Variants in NUMA1 observed in about 807,000 individuals in gnomAD.
NUMA1 encodes nuclear mitotic apparatus protein 1.
A neutral mutation model predicts 237.1 loss-of-function variants in NUMA1; 62 were observed. The observed-to-expected ratio is 0.26, with a 90% CI of 0.21 to 0.32. The LOEUF is 0.32. Ranked by LOEUF, NUMA1 falls within the 10% of genes least tolerant of loss-of-function variation. NUMA1 has a pLI of 1.00. For synonymous variants in NUMA1, 1,028 were observed against 1,066.1 expected, an observed-to-expected ratio of 0.96 and a Z score of 0.70; for missense variants, 2,533 against 2,666.5, an observed-to-expected ratio of 0.95 and a Z score of 1.10.
intron 2 of NUMA1, among the ~76,000 whole-genome samples, chr11:72,059,831 A>G (rs1266310920): frequency 1.3e-5 from 2 of 152,182 alleles, no homozygotes; most frequent in Non-Finnish European, 2.9e-5. Context: ...ATTACCATCT[A>G]AAACTGTGTA....
chr11:72,060,057 A>C (rs1942858263), intron 2 of NUMA1, among the ~76,000 whole-genome samples: 1 of 152,212 alleles, frequency 6.6e-6, no homozygotes, highest in African/African-American at 2.4e-5. Context: ...CAGAGATGCT[A>C]GAGTGACACA....
chr11:72,009,870 C>CA lies in NUMA1; in HGVS notation c.4720-484dup, dbSNP rs535388589. On this transcript the variant is annotated intron_variant, in intron 17 of 26. Transcript: ENST00000393695. ...GATTTAAGCAAATTGACCAGAGTAA[C>CA]AGTGACTAAATGGCAGAGTAAGATT... 9.5e-4 allele frequency among the ~76,000 whole-genome samples: 145 copies of CA among 152,336 alleles called. 1 individual carries two copies. Among genetic ancestry groups the CA allele is most frequent in the African/African-American group, 3.4e-3 (141 of 41,576 alleles).
rs760268027 is a variant in NUMA1 at position 72,015,981 on chromosome 11, TGAGCTCA to T, written c.1515_1521del (p.Glu506ProfsTer17). On this transcript the variant is annotated frameshift_variant, in exon 15 of 27. Coordinates refer to ENST00000393695, the MANE Select transcript of NUMA1 (RefSeq NM_006185.4). LOFTEE classifies it high-confidence loss of function. The surrounding 1 kb of genome is among the most constrained non-coding windows in gnomAD (Gnocchi z 4.0). ...TGCTGGATGGTGGCATTGAGTGTGG[TGAGCTCA>T]GAGGTCAGAGAGGCCACCTGGGCAG... 6.2e-7 allele frequency: 1 copy of T among 1,614,054 alleles called. No homozygotes were observed. Among genetic ancestry groups the T allele is most frequent in the East Asian group, 2.2e-5 (1 of 44,878 alleles).
At chr11:72,008,600 A>G (rs1378932158) in intron 20 of NUMA1, 88 bp downstream of exon 20, 1 of 1,388,414 alleles carries the variant, frequency 7.2e-7, no homozygotes, top group Non-Finnish European at 1.0e-6. Flanking sequence ...ATAAATTTAG[A>G]TCACATCTTA....
chr11:72,046,343 G>A (rs964555845), intron 2 of NUMA1, among the ~76,000 whole-genome samples: 2 of 151,922 alleles, frequency 1.3e-5, no homozygotes, highest in Admixed American at 1.3e-4. Flanking sequence ...TCAGGAGTTC[G>A]AGACCAGCCT....
chr11:72,032,551 A>T (rs1940476620), intron 3 of NUMA1, among the ~76,000 whole-genome samples: 4 of 152,256 alleles, frequency 2.6e-5, no homozygotes, highest in Admixed American at 6.5e-5. Context: ...TATACCAATT[A>T]AGTAATAATC....
intron 2 of NUMA1, chr11:72,049,360 G>T (rs1224020905): frequency 2.6e-5 from 4 of 151,226 alleles, no homozygotes; most frequent in Admixed American, 1.3e-4. Flanking sequence ...GTGGCTTAAT[G>T]CAAGTCACAG....
intron 4 of NUMA1, chr11:72,024,810 G>A (rs1169708324): frequency 1.2e-5 from 2 of 161,036 alleles, no homozygotes; most frequent in African/African-American, 4.8e-5. Context: ...ACAAGGCTCT[G>A]AAGTGACAGG....
rs1937667617 is a variant in NUMA1, at chr11:72,016,013, G to C, written c.1490C>G (p.Thr497Ser). ...QASQAHGARLTAQVASLTSEL... is the reference protein window; with the variant it reads ...QASQAHGARLSAQVASLTSEL... Reference sequence around the variant, plus strand: ...AGAGGTCAGAGAGGCCACCTGGGCAGTCAACCGGGCCCCATGAGCCTGGGA... The same window carrying C: ...AGAGGTCAGAGAGGCCACCTGGGCACTCAACCGGGCCCCATGAGCCTGGGA... Residue 497 changes from threonine (T) to serine (S), a missense_variant, in exon 15 of 27, where the codon ACT becomes AGT. Coordinates refer to ENST00000393695, the MANE Select transcript of NUMA1 (RefSeq NM_006185.4). 3.1e-6 allele frequency: 5 copies of C among 1,614,044 alleles called. No individual in the cohort carries two copies. Among genetic ancestry groups the C allele is most frequent in the Non-Finnish European group, 4.2e-6 (5 of 1,180,008 alleles).
rs17161802 is a variant in NUMA1 at position 72,015,739 on chromosome 11, A to G, written c.1764T>C (p.Ala588=). 13,587 of 1,614,154 alleles carry G rather than the reference A, an allele frequency of 8.4e-3. 1,531 individuals carry two copies. The Admixed American group carries it at 0.2, about 23-fold the overall frequency. The change falls in exon 15 of 27, where the codon GCT becomes GCC. Residue 588 remains alanine, a synonymous_variant. Transcript: ENST00000393695. The surrounding 1 kb of genome is among the most constrained non-coding windows in gnomAD (Gnocchi z 4.0). ...RQDHAQQLAT[A]AEEREASLRE... ...TTAAGGAGGCCTCTCGCTCCTCTGCAGCAGTGGCCAGTTGCTGGGCATGGT... is the reference window on the plus strand; with the variant it reads ...TTAAGGAGGCCTCTCGCTCCTCTGCGGCAGTGGCCAGTTGCTGGGCATGGT...
chr11:72,005,121 C>T, intron 23 of NUMA1, 112 bp downstream of exon 23: 1 of 1,242,266 alleles, frequency 8.0e-7, no homozygotes, highest in Non-Finnish European at 1.1e-6. Flanking sequence ...GTCACCCTCC[C>T]CCTCCTCGGC....
At chr11:72,080,101 C>T (rs1234536320) in intron 1 of NUMA1, among the ~76,000 whole-genome samples, 4 of 152,152 alleles carry the variant, frequency 2.6e-5, no homozygotes, top group African/African-American at 9.7e-5. Flanking sequence ...CTGACTACTG[C>T]ACTACCATAA....
Position 72,015,554 on chromosome 11 carries a change from C to T in NUMA1, c.1949G>A (p.Arg650Gln), listed in dbSNP as rs1351645930. 7 of 1,613,574 alleles carry T rather than the reference C, an allele frequency of 4.3e-6. No individual in the cohort carries two copies. Among genetic ancestry groups the T allele is most frequent in the Non-Finnish European group, 5.1e-6 (6 of 1,180,028 alleles). The change falls in exon 15 of 27, where the codon CGG becomes CAG. Residue 650 changes from arginine (R) to glutamine (Q), a missense_variant. Arg to Gln is a conservative substitution (Grantham distance 43, BLOSUM62 1). Coordinates refer to ENST00000393695, the MANE Select transcript of NUMA1 (RefSeq NM_006185.4). The surrounding 1 kb of genome is among the most constrained non-coding windows in gnomAD (Gnocchi z 4.0). ...QAQREKAELS[R>Q]KVEELQACVE... ...ACAGGCCTGGAGTTCCTCCACCTTCCGGCTCAGCTCTGCCTTCTCCCGCTG... is the reference window on the plus strand; with the variant it reads ...ACAGGCCTGGAGTTCCTCCACCTTCTGGCTCAGCTCTGCCTTCTCCCGCTG...
chr11:72,047,482 G>A (rs975359663), intron 2 of NUMA1, among the ~76,000 whole-genome samples: 5 of 49,524 alleles, frequency 1.0e-4, no homozygotes, highest in South Asian at 6.2e-4. Context: ...AGCAAGACAC[G>A]TCTCAAAAAA....
At chr11:72,065,500 G>A (rs970171718) in intron 2 of NUMA1, 1 of 152,116 alleles carries the variant, frequency 6.6e-6, no homozygotes, top group Admixed American at 6.6e-5. Context: ...ATATGATCTG[G>A]AAATTGCAAA....
rs1286091958 is a variant in NUMA1 at position 72,004,012 on chromosome 11, T to C, written c.6211A>G (p.Lys2071Glu). ...NSLLRRGASKKALSKASPNTR... is the reference protein window; with the variant it reads ...NSLLRRGASKEALSKASPNTR... ...TTGGGGGAAGCCTTGGACAGGGCCT[T>C]CTTTGAGGCTCCCCGCCGCAGAAGG... The change falls in exon 26 of 27, where the codon AAG becomes GAG. Residue 2071 changes from lysine (K) to glutamate (E), a missense_variant. By Grantham distance (56) the Lys-to-Glu change is moderately conservative. Coordinates refer to ENST00000393695, the MANE Select transcript of NUMA1 (RefSeq NM_006185.4). The C allele has an allele frequency of 1.2e-6, 2 of 1,613,398 alleles. No homozygotes were observed. The highest frequency in any genetic ancestry group is 1.7e-6 in the Non-Finnish European group (2 of 1,179,678).
Position 72,013,261 on chromosome 11 carries a change from C to G in NUMA1, c.4242G>C (p.Gln1414His), listed in dbSNP as rs1374716795. ...RELGELIPLR[Q>H]KVAEQERTAQ... ...CTGTTCGCTCCTGCTCTGCCACCTTCTGCCGCAGAGGAATCAGCTCCCCAA... is the reference window on the plus strand; with the variant it reads ...CTGTTCGCTCCTGCTCTGCCACCTTGTGCCGCAGAGGAATCAGCTCCCCAA... The change falls in exon 15 of 27, where the codon CAG (glutamine) becomes CAC (histidine). Residue 1414 changes from glutamine to histidine, a missense_variant. Transcript: ENST00000393695. The surrounding 1 kb of genome is among the most constrained non-coding windows in gnomAD (Gnocchi z 6.8). 2 of 1,605,190 alleles carry G rather than the reference C, an allele frequency of 1.2e-6. No individual in the cohort carries two copies. Among genetic ancestry groups the G allele is most frequent in the South Asian group, 2.2e-5 (2 of 91,082 alleles).
chr11:72,068,950 T>C (rs964700840), intron 2 of NUMA1, among the ~76,000 whole-genome samples: 8 of 152,218 alleles, frequency 5.3e-5, no homozygotes, highest in African/African-American at 1.4e-4. Flanking sequence ...CGGCATCTTC[T>C]GGCTGTTTCT....
In NUMA1 at chr11:72,015,491, G is replaced by A. The variant is rs1195449139; in HGVS notation, c.2012C>T (p.Ala671Val). ...CTGCAACTCTAGCTCTGCAACCTGG[G>A]CCTGGGCCTCATGCTGTTCCTGGCG... ...TARQEQHEAQ[A>V]QVAELELQLR... The change falls in exon 15 of 27, where the codon GCC (alanine) becomes GTC (valine). Residue 671 changes from alanine to valine, a missense_variant. Coordinates refer to ENST00000393695, the MANE Select transcript of NUMA1 (RefSeq NM_006185.4). The surrounding 1 kb of genome is among the most constrained non-coding windows in gnomAD (Gnocchi z 4.0). 1.9e-6 allele frequency: 3 copies of A among 1,612,852 alleles called. No individual in the cohort carries two copies. The highest frequency in any genetic ancestry group is 2.2e-5 in the South Asian group (2 of 91,080).
Sources: gnomAD v4.1 joint callset for allele counts (sites outside exome capture counted in the v4.1 genomes callset) on GRCh38, gnomAD v4.1.1 for gene constraint, Gnocchi (gnomAD v3.1) non-coding constraint, MANE v1.5 for transcripts, NCBI Gene and HGNC (gene_info 2026-07-23, HGNC 2026-07-21) for gene names.